TLN1: variants seen among roughly 807,000 people sequenced by gnomAD.
The protein encoded by TLN1 is talin-1.
A neutral mutation model predicts 292.3 loss-of-function variants in TLN1; 56 were observed. The observed-to-expected ratio is 0.19, with a 90% CI of 0.15 to 0.24. The LOEUF (loss-of-function observed/expected upper bound fraction) is 0.24, where lower values mean the gene tolerates loss of function less well. TLN1 is among the 10% of genes least tolerant of loss of function. TLN1 has a pLI of 1.00. For missense variants in TLN1, 2,433 were observed against 3,248.2 expected (o/e 0.75, Z 6.10); for synonymous variants, 1,119 against 1,253.7 (o/e 0.89, Z 2.27).
chr9:35,715,283 G>C, intron 20 of TLN1, 96 bp from the exon 21 acceptor site: 2 of 1,482,026 alleles, frequency 1.3e-6, no homozygotes, highest in Non-Finnish European at 1.8e-6. Flanking sequence ...TAAAATTCAT[G>C]TATTTTCCTG....
chr9:35,731,240 A>G (rs1181987530), intron 1 of TLN1, among the ~76,000 whole-genome samples: 2 of 152,172 alleles, frequency 1.3e-5, no homozygotes, highest in African/African-American at 4.8e-5. Context: ...CTCAAGGTCA[A>G]CTATGCTAGC....
Position 35,699,119 on chromosome 9 carries a change from A to G in TLN1, c.6912T>C (p.Ile2304=), listed in dbSNP as rs749848718. ...EWVDPEDPTV[I]AENELLGAAA... ...CAGCTCCCAGGAGCTCATTCTCAGC[A>G]ATGACTGTGGGGTCCTCTGGGTCTA... The change falls in exon 52 of 57, where the codon ATT becomes ATC. Residue 2304 remains isoleucine, a synonymous_variant. Transcript: ENST00000314888. This position sits in a 1 kb window ranked among gnomAD's most constrained non-coding sequence, Gnocchi z 4.0. The G allele has an allele frequency of 6.2e-7, 1 of 1,613,798 alleles. No homozygotes were observed. Among genetic ancestry groups the G allele is most frequent in the Non-Finnish European group, 8.5e-7 (1 of 1,179,836 alleles).
At chr9:35,713,103 A>G (rs1046495597) in intron 26 of TLN1, 60 bp from the exon 27 acceptor site, 10 of 1,572,166 alleles carry the variant, frequency 6.4e-6, no homozygotes, top group Non-Finnish European at 8.7e-6. Context: ...CCCTGATTCC[A>G]GTGGTTTCGT....
In TLN1 at chr9:35,708,407, G is replaced by A. The variant is rs1280323673; in HGVS notation, c.4404C>T (p.Ala1468=). ...CCATCTGAATTGCCTGGTTTGCACG[G>A]GCAAACTGTGTGGGCTCCACTAGCC... ...QQGLVEPTQF[A]RANQAIQMAC... is the part of the protein sequence containing the mutation. Residue 1468 remains alanine, a synonymous_variant, in exon 34 of 57, where the codon GCC becomes GCT. Transcript: ENST00000314888. 6.2e-7 allele frequency: 1 copy of A among 1,611,488 alleles called. No homozygotes were observed. The highest frequency in any genetic ancestry group is 1.3e-5 in the African/African-American group (1 of 74,896).
In TLN1 at chr9:35,699,855, G is replaced by C. The variant is rs1045970658; in HGVS notation, c.6768+119C>G. 8.6e-7 allele frequency: 1 copy of C among 1,157,806 alleles called. No homozygotes were observed. The highest frequency in any genetic ancestry group is 2.9e-5 in the Admixed American group (1 of 35,004). 71.7% of individuals were successfully genotyped at this position (1,157,806 alleles called of 1,614,324 possible). On this transcript the variant is annotated intron_variant, in intron 50 of 56. Coordinates refer to ENST00000314888, the MANE Select transcript of TLN1 (RefSeq NM_006289.4). The surrounding 1 kb of genome is among the most constrained non-coding windows in gnomAD (Gnocchi z 4.0). ...TTGGAAAGGAGAACAGATTTGGGAA[G>C]TAGAGGGTGGGGTAGGGAGGAGATC...
Position 35,699,362 on chromosome 9 carries a change from T to G in TLN1, c.6868A>C (p.Met2290Leu). ...VTELIQAAEA[M>L]KGTEWVDPED... is the part of the protein sequence containing the mutation. ...GTCCCTGGTCACCCCTCACCCTTCA[T>G]GGCTTCAGCAGCCTGGATGAGCTCA... The change falls in exon 51 of 57, where the codon ATG (methionine) becomes CTG (leucine). Residue 2290 changes from methionine (M) to leucine (L), a missense_variant. Met to Leu is a conservative substitution (Grantham distance 15). Transcript: ENST00000314888. The surrounding 1 kb of genome is among the most constrained non-coding windows in gnomAD (Gnocchi z 4.0). The G allele has an allele frequency of 6.2e-7, 1 of 1,612,020 alleles. No homozygotes were observed. The highest frequency in any genetic ancestry group is 1.1e-5 in the South Asian group (1 of 90,798).
At chr9:35,713,720 A>C (rs1825719841) in intron 25 of TLN1, among the ~76,000 whole-genome samples, 1 of 151,732 alleles carries the variant, frequency 6.6e-6, no homozygotes. Context: ...AAAGAAAAGA[A>C]AAGAGAAAAG....
At position 35,706,760 on chromosome 9, in the gene TLN1, C is replaced by T; in HGVS notation, c.5088+8G>A. 1.9e-6 allele frequency: 3 copies of T among 1,613,242 alleles called. No homozygotes were observed. Among genetic ancestry groups the T allele is most frequent in the Non-Finnish European group, 2.5e-6 (3 of 1,179,696 alleles). On this transcript the variant is annotated splice_region_variant and intron_variant, in intron 38 of 56. Coordinates refer to ENST00000314888, the MANE Select transcript of TLN1 (RefSeq NM_006289.4). This position sits in a 1 kb window ranked among gnomAD's most constrained non-coding sequence, Gnocchi z 4.2. ...ACACATCTTTCCATATAACCCTCTC[C>T]CTCTCACCTCTTGAGAGATTCCCTC...
chr9:35,729,855 G>T (rs1826039819), intron 1 of TLN1, among the ~76,000 whole-genome samples: 1 of 152,118 alleles, frequency 6.6e-6, no homozygotes, highest in Admixed American at 6.5e-5. Flanking sequence ...TACGGGATGT[G>T]GTTAGGCTGT....
Position 35,697,987 on chromosome 9 carries a change from G to A in TLN1, c.7500+57C>T, listed in dbSNP as rs1042763009. The A allele has an allele frequency of 2.0e-5, 32 of 1,613,764 alleles. No homozygotes were observed. In the Middle Eastern group the frequency reaches 4.9e-4, roughly 25 times the overall value. On this transcript the variant is annotated intron_variant, in intron 56 of 56. Coordinates refer to ENST00000314888, the MANE Select transcript of TLN1 (RefSeq NM_006289.4). ...GGGGCATAGGGTAGTTGGGACCAGC[G>A]CAGGCAACATGACTGCCCTCCTGAC...
intron 1 of TLN1, among the ~76,000 whole-genome samples, chr9:35,725,944 G>A (rs940334368): frequency 2.6e-5 from 4 of 151,756 alleles, no homozygotes; most frequent in African/African-American, 7.3e-5. Context: ...ACAGAGTTTC[G>A]TTCTGTTGCC....
Position 35,705,776 on chromosome 9 carries a change from C to T in TLN1, c.5587G>A (p.Ala1863Thr). Residue 1863 changes from alanine (A) to threonine (T), a missense_variant, in exon 42 of 57, where the codon GCC becomes ACC. By Grantham distance (58) the Ala-to-Thr change is moderately conservative. Around this residue, in one of 7 missense-constraint regions of TLN1, gnomAD observed 1,384 missense variants for 1,699.6 expected, o/e 0.81. Coordinates refer to ENST00000314888, the MANE Select transcript of TLN1 (RefSeq NM_006289.4). ...YQTTMVRTAKAIAVTVQEMVT... is the reference protein window; with the variant it reads ...YQTTMVRTAKTIAVTVQEMVT... ...ATCTCCTGAACGGTCACTGCAATGG[C>T]CTTGGCTGTCCGCACCATAGTTGTT... is the stretch of plus-strand genomic sequence containing the variant. 1 of 1,614,228 alleles carries T rather than the reference C, an allele frequency of 6.2e-7. No individual in the cohort carries two copies. Among genetic ancestry groups the T allele is most frequent in the Non-Finnish European group, 8.5e-7 (1 of 1,180,040 alleles).
At position 35,719,969 on chromosome 9, in the gene TLN1, T is replaced by C; in HGVS notation, c.1464+70A>G. ...AATAGGGACCTGGGAAAAGACTGCCTAACTCCTGGCTCGGCCCAGCTGAGG... is the reference window on the plus strand; with the variant it reads ...AATAGGGACCTGGGAAAAGACTGCCCAACTCCTGGCTCGGCCCAGCTGAGG... On this transcript the variant is annotated intron_variant, in intron 13 of 56. Coordinates refer to ENST00000314888, the MANE Select transcript of TLN1 (RefSeq NM_006289.4). The surrounding 1 kb of genome is among the most constrained non-coding windows in gnomAD (Gnocchi z 4.6). 1 of 1,589,996 alleles carries C rather than the reference T, an allele frequency of 6.3e-7. No individual in the cohort carries two copies. Among genetic ancestry groups the C allele is most frequent in the Non-Finnish European group, 8.6e-7 (1 of 1,165,476 alleles).
At position 35,717,760 on chromosome 9, in the gene TLN1, A is replaced by C. The variant is rs1226450206; in HGVS notation, c.2022T>G (p.Ala674=). ...FQDALMQLAK[A]VASAAAALVL... is the part of the protein sequence containing the mutation. ...CCAGGGCAGCTGCAGCACTTGCCACAGCTTTGGCGAGCTGCATTAGCGCAT... is the reference window on the plus strand; with the variant it reads ...CCAGGGCAGCTGCAGCACTTGCCACCGCTTTGGCGAGCTGCATTAGCGCAT... The change falls in exon 18 of 57, where the codon GCT becomes GCG. Residue 674 remains alanine (A), a synonymous_variant. Coordinates refer to ENST00000314888, the MANE Select transcript of TLN1 (RefSeq NM_006289.4). The surrounding 1 kb of genome is among the most constrained non-coding windows in gnomAD (Gnocchi z 4.7). 6.2e-7 allele frequency: 1 copy of C among 1,607,922 alleles called. No homozygotes were observed. Among genetic ancestry groups the C allele is most frequent in the African/African-American group, 1.3e-5 (1 of 74,804 alleles).
intron 1 of TLN1, among the ~76,000 whole-genome samples, chr9:35,726,961 G>C (rs190205838): frequency 2.6e-5 from 4 of 152,148 alleles, no homozygotes; most frequent in Non-Finnish European, 4.4e-5. Context: ...AGTCTGTCTC[G>C]AATTCTGCTC....
Position 35,700,286 on chromosome 9 carries a change from C to T in TLN1, c.6565G>A (p.Ala2189Thr). The change falls in exon 49 of 57, where the codon GCC becomes ACC. Residue 2189 changes from alanine to threonine, a missense_variant. Around this residue, in one of 7 missense-constraint regions of TLN1, gnomAD observed 1,384 missense variants for 1,699.6 expected, o/e 0.81. Coordinates refer to ENST00000314888, the MANE Select transcript of TLN1 (RefSeq NM_006289.4). The stretch of plus-strand genomic sequence containing the variant: ...CGACAGGAATTGCCAGCAGCAACGG[C>T]CTTGGCGGTTGCCATGGTGATACCC... ...TKGITMATAK[A>T]VAAGNSCRQE... is the part of the protein sequence containing the mutation. 6.2e-7 allele frequency: 1 copy of T among 1,613,726 alleles called. No individual in the cohort carries two copies. Among genetic ancestry groups the T allele is most frequent in the Non-Finnish European group, 8.5e-7 (1 of 1,179,672 alleles).
At chr9:35,702,001 G>C (rs1825474118) in intron 48 of TLN1, among the ~76,000 whole-genome samples, 1 of 152,200 alleles carries the variant, frequency 6.6e-6, no homozygotes, top group Non-Finnish European at 1.5e-5. Flanking sequence ...AGTAGGGAGA[G>C]AGGAGAGTGG....
chr9:35,718,968 T>C (rs760855645), intron 16 of TLN1, 58 bp from the exon 17 acceptor site: 22 of 1,593,652 alleles, frequency 1.4e-5, no homozygotes, highest in East Asian at 2.3e-5. Flanking sequence ...TGCCTGTGCA[T>C]ATCACAGGCC....
At chr9:35,729,285 CA>C (rs1308593482) in intron 1 of TLN1, among the ~76,000 whole-genome samples, 1 of 152,204 alleles carries the variant, frequency 6.6e-6, no homozygotes, top group Admixed American at 6.5e-5. Flanking sequence ...GGAGATGTGT[CA>C]GGGGTAGTTT....
Sources: gnomAD v4.1 joint callset for allele counts (sites outside exome capture counted in the v4.1 genomes callset) on GRCh38, gnomAD v4.1.1 for gene constraint, gnomAD v4.1.1 regional missense constraint, Gnocchi (gnomAD v3.1) non-coding constraint, MANE v1.5 for transcripts, NCBI Gene and HGNC (gene_info 2026-07-23, HGNC 2026-07-21) for gene names.